SLC45A4: variants seen among roughly 807,000 people sequenced by gnomAD.
The protein encoded by SLC45A4 is polyamine-transporter SLC45A4.
In SLC45A4, 32 loss-of-function variants were observed where a neutral mutation model predicts 63.7. The ratio of observed to expected loss-of-function variants is 0.50; its 90% confidence interval spans 0.38 to 0.67. The LOEUF (loss-of-function observed/expected upper bound fraction) is 0.67. Among genes scored for constraint, SLC45A4 ranks in the 30% least tolerant of loss-of-function variants. The pLI is 0.00. For synonymous variants in SLC45A4, 535 were observed against 510.0 expected (o/e 1.05, Z -0.66); for missense variants, 1,027 against 1,157.7 (o/e 0.89, Z 1.64).
At chr8:141,238,009 A>C (rs1417693151) in intron 2 of SLC45A4, among the ~76,000 whole-genome samples, 1 of 152,278 alleles carries the variant, frequency 6.6e-6, no homozygotes, top group African/African-American at 2.4e-5. Context: ...ACATCCTTGC[A>C]CAAGAAGTTT....
intron 1 of SLC45A4, among the ~76,000 whole-genome samples, chr8:141,304,697 C>G (rs1381360101): frequency 6.6e-6 from 1 of 152,108 alleles, no homozygotes; most frequent in Non-Finnish European, 1.5e-5. Context: ...TTCCCGCAAT[C>G]TAACCAGTCG....
At chr8:141,257,600 TGA>T (rs1356191927) in intron 1 of SLC45A4, among the ~76,000 whole-genome samples, 1 of 152,232 alleles carries the variant, frequency 6.6e-6, no homozygotes, top group East Asian at 1.9e-4. Context: ...CAGTAAGAGC[TGA>T]GAGTTAGGCA....
intron 7 of SLC45A4, among the ~76,000 whole-genome samples, chr8:141,213,978 G>T (rs557802347): frequency 1.3e-5 from 2 of 152,238 alleles, no homozygotes; most frequent in East Asian, 3.9e-4. Context: ...AGGCCGAGAC[G>T]GGTGGATCAC....
chr8:141,235,869 A>T (rs1827601253), intron 2 of SLC45A4, among the ~76,000 whole-genome samples: 1 of 152,204 alleles, frequency 6.6e-6, no homozygotes, highest in Non-Finnish European at 1.5e-5. Context: ...CGGGAGGCTG[A>T]GGCGGGCGGA....
chr8:141,212,146 G>A lies in SLC45A4; in HGVS notation c.2301+51C>T, dbSNP rs772147367. 14 of 517,448 alleles carry A rather than the reference G, an allele frequency of 2.7e-5. No individual in the cohort carries two copies. The African/African-American group carries it at 2.9e-4, about 11-fold the overall frequency. The allele number at this position is 517,448 out of a possible 1,614,324, so 32.1% of individuals were successfully genotyped here. On this transcript the variant is annotated intron_variant, in intron 8 of 8. Transcript: ENST00000517878. ...CATGGCCTGGCCCCGCCGCCCGCCC[G>A]CCCGCCCACCCGCCCACTGGAATGT...
intron 2 of SLC45A4, among the ~76,000 whole-genome samples, chr8:141,246,332 G>A (rs946171377): frequency 5.3e-5 from 8 of 152,170 alleles, no homozygotes; most frequent in South Asian, 4.1e-4. Context: ...TACCTCCTGC[G>A]GCCGGGAATT....
At chr8:141,294,252 A>G (rs1040501051) in intron 1 of SLC45A4, among the ~76,000 whole-genome samples, 1 of 152,214 alleles carries the variant, frequency 6.6e-6, no homozygotes, top group African/African-American at 2.4e-5. Context: ...GAAAACCCAC[A>G]GCGACTGGTC....
Position 141,215,856 on chromosome 8 carries a change from T to A in SLC45A4, c.1844A>T (p.Tyr615Phe), listed in dbSNP as rs201000629. 196 of 1,613,994 alleles carry A rather than the reference T, an allele frequency of 1.2e-4. No individual in the cohort carries two copies. The highest frequency in any genetic ancestry group is 1.6e-4 in the Non-Finnish European group (187 of 1,180,010). ...TAVMAMFPNV[Y>F]VAMVTISTMG... Reference sequence around the variant, plus strand: ...GGTGCTGATGGTGACCATGGCGACGTAGACGTTGGGAAACATGGCCATCAC... The same window carrying A: ...GGTGCTGATGGTGACCATGGCGACGAAGACGTTGGGAAACATGGCCATCAC... Residue 615 changes from tyrosine to phenylalanine, a missense_variant, in exon 7 of 9, where the codon TAC (tyrosine) becomes TTC (phenylalanine). Transcript: ENST00000517878. The surrounding 1 kb of genome is among the most constrained non-coding windows in gnomAD (Gnocchi z 4.3).
rs139029884 is a variant in SLC45A4, at chr8:141,264,063, C to T, written c.-400-9434G>A. On this transcript the variant is annotated intron_variant, in intron 1 of 8. Coordinates refer to ENST00000517878, the MANE Select transcript of SLC45A4 (RefSeq NM_001286646.2). ...AAGGACAGGTTCCTGGGTCCACAGCCCATGGGAAAGGTACCAGCAAATTCT... is the reference window on the plus strand; with the variant it reads ...AAGGACAGGTTCCTGGGTCCACAGCTCATGGGAAAGGTACCAGCAAATTCT... 1.8e-4 allele frequency among the ~76,000 whole-genome samples: 27 copies of T among 152,228 alleles called. No individual in the cohort carries two copies. The East Asian group carries it at 5.2e-3, about 29-fold the overall frequency.
chr8:141,218,996 C>A lies in SLC45A4; in HGVS notation c.644G>T (p.Gly215Val). 4.3e-6 allele frequency: 7 copies of A among 1,612,900 alleles called. No homozygotes were observed. Among genetic ancestry groups the A allele is most frequent in the Non-Finnish European group, 5.1e-6 (6 of 1,179,652 alleles). ...CAGGAAGGTCTGGGTCCAGTCCAGC[C>A]CACCCAGCACGTAGCCGATGGCTCC... ...LGGAIGYVLG[G>V]LDWTQTFLGS... is the part of the protein sequence containing the mutation. The change falls in exon 5 of 9, where the codon GGG (glycine) becomes GTG (valine). Residue 215 changes from glycine to valine, a missense_variant. Coordinates refer to ENST00000517878, the MANE Select transcript of SLC45A4 (RefSeq NM_001286646.2).
intron 1 of SLC45A4, among the ~76,000 whole-genome samples, chr8:141,282,809 G>A (rs73366488): frequency 0.038 from 5,765 of 152,342 alleles, 154 homozygotes; most frequent in Middle Eastern, 0.082. Context: ...CCGTGGGCCT[G>A]AGCTCAGCTC....
Position 141,282,233 on chromosome 8 carries a change from G to T in SLC45A4, c.-401+25863C>A, listed in dbSNP as rs994988667. On this transcript the variant is annotated intron_variant, in intron 1 of 8. Coordinates refer to ENST00000517878, the MANE Select transcript of SLC45A4 (RefSeq NM_001286646.2). ...AGAAACAGAGCCCGGGAGGCCAAGG[G>T]GGGGCCCTCAGCAAAGAGGACAATG... 8.5e-5 allele frequency among the ~76,000 whole-genome samples: 13 copies of T among 152,314 alleles called. No homozygotes were observed. In the South Asian group the frequency reaches 2.5e-3, roughly 29 times the overall value.
At chr8:141,228,236 A>G in intron 2 of SLC45A4, 3 of 1,614,060 alleles carry the variant, frequency 1.9e-6, no homozygotes, top group Non-Finnish European at 2.5e-6. Flanking sequence ...TTTGGACGGG[A>G]CAGCCCTGAG....
chr8:141,224,002 G>GTC (rs765588326), intron 2 of SLC45A4, among the ~76,000 whole-genome samples: 2 of 145,268 alleles, frequency 1.4e-5, no homozygotes, highest in Non-Finnish European at 3.0e-5. Context: ...ATTTTCTGTA[G>GTC]TTTTTTTTTT....
chr8:141,261,407 C>G (rs1829032394), intron 1 of SLC45A4, among the ~76,000 whole-genome samples: 1 of 151,942 alleles, frequency 6.6e-6, no homozygotes, highest in Non-Finnish European at 1.5e-5. Flanking sequence ...AAAGGGTATT[C>G]AATTAGGAAA....
At chr8:141,220,935 C>T (rs1826583100) in intron 3 of SLC45A4, among the ~76,000 whole-genome samples, 1 of 152,240 alleles carries the variant, frequency 6.6e-6, no homozygotes, top group South Asian at 2.1e-4. Context: ...GAGGCATCGC[C>T]TGTTGGCGAC....
chr8:141,239,781 G>A (rs1827815479), intron 2 of SLC45A4, among the ~76,000 whole-genome samples: 1 of 152,248 alleles, frequency 6.6e-6, no homozygotes, highest in Non-Finnish European at 1.5e-5. Context: ...CTGGGCTCAT[G>A]AGACTGGGCT....
At chr8:141,235,963 G>C (rs1265822270) in intron 2 of SLC45A4, among the ~76,000 whole-genome samples, 1 of 152,146 alleles carries the variant, frequency 6.6e-6, no homozygotes, top group East Asian at 1.9e-4. Flanking sequence ...AATTAGCCGG[G>C]TGTGGTGGTA....
intron 1 of SLC45A4, among the ~76,000 whole-genome samples, chr8:141,274,144 G>T (rs768379230): frequency 6.6e-6 from 1 of 152,230 alleles, no homozygotes; most frequent in East Asian, 1.9e-4. Context: ...CAGGAGAATG[G>T]CGTGAACCTG....
Sources: gnomAD v4.1 joint callset for allele counts (sites outside exome capture counted in the v4.1 genomes callset) on GRCh38, gnomAD v4.1.1 for gene constraint, Gnocchi (gnomAD v3.1) non-coding constraint, MANE v1.5 for transcripts, NCBI Gene and HGNC (gene_info 2026-07-23, HGNC 2026-07-21) for gene names.